Variants in ELP4 observed in about 807,000 individuals in gnomAD.
The protein encoded by ELP4 is elongator complex protein 4.
A neutral mutation model predicts 48.9 loss-of-function variants in ELP4; 51 were observed. The observed-to-expected ratio is 1.04, with a 90% CI of 0.83 to 1.32. ELP4 has a LOEUF of 1.32. ELP4 is among the 40% of genes most tolerant of loss of function. ELP4 has a pLI of 0.00. For synonymous variants in ELP4, 210 were observed against 189.2 expected (o/e 1.11, Z -0.90); for missense variants, 519 against 514.6 (o/e 1.01, Z -0.08).
chr11:31,556,114 C>A (rs893679217), intron 3 of ELP4, among the ~76,000 whole-genome samples: 2 of 151,936 alleles, frequency 1.3e-5, no homozygotes, highest in South Asian at 4.2e-4. Context: ...AGATATATAA[C>A]CACCCAGCAA....
intron 3 of ELP4, among the ~76,000 whole-genome samples, chr11:31,592,446 G>A (rs978435398): frequency 6.6e-6 from 1 of 151,498 alleles, no homozygotes; most frequent in East Asian, 1.9e-4. Context: ...GGAGGCTGAG[G>A]TGGGAGGATC....
intron 9 of ELP4, chr11:31,651,754 A>C (rs1945323978): frequency 6.6e-6 from 1 of 151,694 alleles, no homozygotes; most frequent in African/African-American, 2.4e-5. Context: ...GTATTCTAAC[A>C]ACCACATCTG....
At chr11:31,739,108 A>G (rs528178344) in intron 9 of ELP4, among the ~76,000 whole-genome samples, 17 of 152,016 alleles carry the variant, frequency 1.1e-4, no homozygotes, top group Non-Finnish European at 2.1e-4. Flanking sequence ...AGAGAAATCT[A>G]GCTATTTTGA....
At chr11:31,612,157 AT>A (rs1385776982) in intron 5 of ELP4, among the ~76,000 whole-genome samples, 2 of 151,936 alleles carry the variant, frequency 1.3e-5, no homozygotes, top group African/African-American at 4.8e-5. Context: ...GTGAAATAAG[AT>A]TTTTTTTGCT....
intron 7 of ELP4, among the ~76,000 whole-genome samples, chr11:31,640,576 C>T (rs1312590575): frequency 6.6e-6 from 1 of 151,826 alleles, no homozygotes; most frequent in African/African-American, 2.4e-5. Flanking sequence ...TTTTCGCACC[C>T]TATGTAGTTA....
chr11:31,527,482 A>G (rs1336577674), intron 2 of ELP4, among the ~76,000 whole-genome samples: 1 of 152,060 alleles, frequency 6.6e-6, no homozygotes, highest in African/African-American at 2.4e-5. Flanking sequence ...CCATTCTTCT[A>G]TATCTGTTTC....
chr11:31,579,731 A>C (rs1480190461), intron 3 of ELP4, among the ~76,000 whole-genome samples: 1 of 146,004 alleles, frequency 6.8e-6, no homozygotes, highest in African/African-American at 2.5e-5. Flanking sequence ...TGGGAATTGA[A>C]CAGTGAGAAC....
intron 9 of ELP4, among the ~76,000 whole-genome samples, chr11:31,714,352 A>AT (rs1471813187): frequency 1.3e-5 from 2 of 152,130 alleles, no homozygotes; most frequent in Non-Finnish European, 2.9e-5. Context: ...GTAAAGAAAA[A>AT]TTTTTTATTT....
chr11:31,611,568 G>A (rs955188336), intron 5 of ELP4, among the ~76,000 whole-genome samples: 2 of 152,186 alleles, frequency 1.3e-5, no homozygotes, highest in Admixed American at 1.3e-4. Context: ...GGATTCTGAT[G>A]TTAGACTTAG....
At chr11:31,741,823 C>CT (rs1293503788) in intron 9 of ELP4, among the ~76,000 whole-genome samples, 1 of 152,178 alleles carries the variant, frequency 6.6e-6, no homozygotes. Context: ...ACTGGAAACT[C>CT]TAAAAATCAC....
At chr11:31,637,892 T>C (rs1353864172) in intron 7 of ELP4, among the ~76,000 whole-genome samples, 1 of 151,948 alleles carries the variant, frequency 6.6e-6, no homozygotes, top group Non-Finnish European at 1.5e-5. Context: ...GTTTTGTGCC[T>C]TATGATGATT....
intron 9 of ELP4, chr11:31,763,569 T>G (rs892197277): frequency 5.7e-6 from 9 of 1,565,250 alleles, no homozygotes; most frequent in African/African-American, 2.7e-5. Flanking sequence ...TTCCCTTTTT[T>G]CAGCTAAAGC....
intron 3 of ELP4, among the ~76,000 whole-genome samples, chr11:31,579,962 A>C (rs796093816): frequency 2.0e-4 from 30 of 152,188 alleles, no homozygotes; most frequent in African/African-American, 7.0e-4. Flanking sequence ...AATATAAAAC[A>C]ACTAGAAAAA....
At chr11:31,564,695 A>C (rs1008137740) in intron 3 of ELP4, among the ~76,000 whole-genome samples, 5 of 152,180 alleles carry the variant, frequency 3.3e-5, no homozygotes. Flanking sequence ...ATGTCCCTGC[A>C]AAGGACATGA....
chr11:31,784,630 G>A lies in ELP4; in HGVS notation c.*1106G>A, dbSNP rs1948464150. 6.5e-6 allele frequency: 1 copy of A among 154,248 alleles called. No individual in the cohort carries two copies. Among genetic ancestry groups the A allele is most frequent in the East Asian group, 1.8e-4 (1 of 5,522 alleles). 9.6% of individuals were successfully genotyped at this position (154,248 alleles called of 1,614,324 possible). ...CAAATGTATTTAATATTTTGAAGCA[G>A]TTATAACTAGCATTTTTAAGCAGCT... On this transcript the variant is annotated 3_prime_UTR_variant, in exon 10 of 10. Transcript: ENST00000640961.
At chr11:31,533,825 T>TTTTTGTTTTG (rs370134447) in intron 2 of ELP4, among the ~76,000 whole-genome samples, 2 of 151,752 alleles carry the variant, frequency 1.3e-5, no homozygotes, top group African/African-American at 4.8e-5. Context: ...GTTTTTTTTG[T>TTTTTGTTTTG]TTTTGTTTTG....
At chr11:31,544,232 G>A (rs978504138) in intron 3 of ELP4, among the ~76,000 whole-genome samples, 2 of 152,252 alleles carry the variant, frequency 1.3e-5, no homozygotes, top group African/African-American at 4.8e-5. Context: ...GGGTCAGGGA[G>A]TTCCCTTTCC....
chr11:31,675,869 GT>G (rs1365565859), intron 9 of ELP4, among the ~76,000 whole-genome samples: 3 of 152,030 alleles, frequency 2.0e-5, no homozygotes, highest in African/African-American at 7.2e-5. Context: ...AATTTAAACA[GT>G]TTTTACCACC....
rs1476079743 is a variant in ELP4 at position 31,689,453 on chromosome 11, AAAAAAAAAG to A, written c.1143+39236_1143+39244del. The stretch of plus-strand genomic sequence containing the variant: ...AATGAGAACCTGTCTTTAAAAAAAA[AAAAAAAAAG>A]AAAGAAAGAAAGAAGAATGAAAAAA... On this transcript the variant is annotated intron_variant, in intron 9 of 9. Transcript: ENST00000640961. 5.3e-5 allele frequency: 8 copies of A among 152,062 alleles called. No individual in the cohort carries two copies. In the East Asian group the frequency reaches 1.5e-3, roughly 29 times the overall value. The allele number at this position is 152,062 out of a possible 1,614,324, so 9.4% of individuals were successfully genotyped here.
Sources: gnomAD v4.1 joint callset for allele counts (sites outside exome capture counted in the v4.1 genomes callset) on GRCh38, gnomAD v4.1.1 for gene constraint, MANE v1.5 for transcripts, NCBI Gene and HGNC (gene_info 2026-07-23, HGNC 2026-07-21) for gene names.